Variants in LAMA2 observed in about 807,000 individuals in gnomAD.
LAMA2 encodes laminin subunit alpha-2.
In LAMA2, 269 loss-of-function variants were observed where a neutral mutation model predicts 364.8. The observed-to-expected ratio is 0.74, with a 90% CI of 0.67 to 0.82. The LOEUF is 0.82. LAMA2 is among the 40% of genes least tolerant of loss of function. LAMA2 has a pLI of 0.00. For missense variants in LAMA2, 3,807 were observed against 3,873.2 expected, an observed-to-expected ratio of 0.98 and a Z score of 0.45; for synonymous variants, 1,379 against 1,370.6, an observed-to-expected ratio of 1.01 and a Z score of -0.14.
chr6:129,120,037 C>T (rs903620189), intron 4 of LAMA2, among the ~76,000 whole-genome samples: 4 of 151,930 alleles, frequency 2.6e-5, no homozygotes, highest in Admixed American at 6.6e-5. Flanking sequence ...TATACTAATG[C>T]GAGATAGAGA....
At chr6:128,971,690 AGAAAGTGG>A (rs1290436444) in intron 1 of LAMA2, among the ~76,000 whole-genome samples, 1 of 152,192 alleles carries the variant, frequency 6.6e-6, no homozygotes, top group Non-Finnish European at 1.5e-5. Context: ...AAGGTAGGGG[AGAAAGTGG>A]ACAAAGATGT....
chr6:128,987,484 A>G (rs1783336765), intron 1 of LAMA2, among the ~76,000 whole-genome samples: 1 of 152,144 alleles, frequency 6.6e-6, no homozygotes, highest in African/African-American at 2.4e-5. Flanking sequence ...AAAAGGTAAA[A>G]GTAGATAAAT....
At chr6:129,155,095 G>T (rs190154750) in intron 8 of LAMA2, among the ~76,000 whole-genome samples, 1 of 152,244 alleles carries the variant, frequency 6.6e-6, no homozygotes, top group East Asian at 1.9e-4. Flanking sequence ...GAAAGAAATT[G>T]CTGAGTAGTA....
At chr6:128,902,441 C>T (rs563887112) in intron 1 of LAMA2, among the ~76,000 whole-genome samples, 2 of 152,230 alleles carry the variant, frequency 1.3e-5, no homozygotes, top group East Asian at 1.9e-4. Flanking sequence ...CTTTCTCACA[C>T]TCTCAGCATA....
chr6:129,230,232 T>C (rs1007871701), intron 12 of LAMA2, among the ~76,000 whole-genome samples: 5 of 152,134 alleles, frequency 3.3e-5, no homozygotes, highest in African/African-American at 4.8e-5. Flanking sequence ...GTCATTTGAA[T>C]GAATCAAGTG....
At chr6:129,315,390 C>T in intron 24 of LAMA2, 86 bp from the exon 25 acceptor site, 1 of 1,164,394 alleles carries the variant, frequency 8.6e-7, no homozygotes, top group South Asian at 1.3e-5. Context: ...ATAGGAACTG[C>T]AGATAGACAT....
rs1010429873 is a variant in LAMA2, at chr6:129,320,030, G to A, written c.4059-508G>A. On this transcript the variant is annotated intron_variant, in intron 27 of 64. Transcript: ENST00000421865. ...CACCTGTAATCCCAGCTACTCAGGA[G>A]GCTGAGGCAGGAGAATCACTTGAAC... Among the ~76,000 whole-genome samples, 3 of 152,194 alleles carry A rather than the reference G, an allele frequency of 2.0e-5. No individual in the cohort carries two copies. The South Asian group carries it at 6.2e-4, about 32-fold the overall frequency.
At chr6:129,508,718 T>C (rs1166882101) in intron 62 of LAMA2, among the ~76,000 whole-genome samples, 1 of 152,186 alleles carries the variant, frequency 6.6e-6, no homozygotes, top group Non-Finnish European at 1.5e-5. Context: ...TTTTATGGCT[T>C]ATTCATATCC....
intron 1 of LAMA2, among the ~76,000 whole-genome samples, chr6:128,977,621 T>G (rs897314428): frequency 5.9e-5 from 9 of 152,186 alleles, no homozygotes; most frequent in Admixed American, 5.2e-4. Context: ...TGTTGACTGA[T>G]TCATTACCTT....
intron 1 of LAMA2, among the ~76,000 whole-genome samples, chr6:128,987,135 T>TG (rs1562897155): frequency 1.1e-4 from 4 of 37,186 alleles, no homozygotes; most frequent in African/African-American, 3.2e-4. Context: ...TGTTTTTTTT[T>TG]TTTTGTTTTT....
At chr6:129,078,229 C>T (rs1437975824) in intron 3 of LAMA2, among the ~76,000 whole-genome samples, 1 of 151,796 alleles carries the variant, frequency 6.6e-6, no homozygotes, top group African/African-American at 2.4e-5. Context: ...CCGCCTCTAG[C>T]ATTCAAGCGA....
rs772495914 is a variant in LAMA2, at chr6:129,192,738, C to T, written c.1667C>T (p.Pro556Leu). ...CTTCCTGGCCGCATTCGAGTGGCTCCCCAGCAGGACGACTTGGACTCACCT... is the reference window on the plus strand; with the variant it reads ...CTTCCTGGCCGCATTCGAGTGGCTCTCCAGCAGGACGACTTGGACTCACCT... ...TDLPGRIRVA[P>L]QQDDLDSPQQ... The change falls in exon 12 of 65, where the codon CCC becomes CTC. Residue 556 changes from proline to leucine, a missense_variant. Around this residue, in one of 3 missense-constraint regions of LAMA2, gnomAD observed 3,333 missense variants for 3,345.7 expected, o/e 1.00. Coordinates refer to ENST00000421865, the MANE Select transcript of LAMA2 (RefSeq NM_000426.4). 1 of 1,614,158 alleles carries T rather than the reference C, an allele frequency of 6.2e-7. No homozygotes were observed. Among genetic ancestry groups the T allele is most frequent in the South Asian group, 1.1e-5 (1 of 91,084 alleles).
At chr6:129,151,372 A>G (rs907188151) in intron 7 of LAMA2, among the ~76,000 whole-genome samples, 2 of 152,190 alleles carry the variant, frequency 1.3e-5, no homozygotes. Flanking sequence ...TTTTTGAAAT[A>G]CACTATTACA....
chr6:129,119,926 C>T (rs1776708719), intron 4 of LAMA2, among the ~76,000 whole-genome samples: 1 of 152,148 alleles, frequency 6.6e-6, no homozygotes, highest in Non-Finnish European at 1.5e-5. Flanking sequence ...AATATAGTTT[C>T]CATTGTTTTA....
chr6:129,281,130 C>A (rs1788689051), intron 18 of LAMA2, among the ~76,000 whole-genome samples: 2 of 151,660 alleles, frequency 1.3e-5, no homozygotes, highest in Admixed American at 6.6e-5. Context: ...AGTATGGAAG[C>A]ATCTGTAAAT....
intron 12 of LAMA2, among the ~76,000 whole-genome samples, chr6:129,227,580 T>G (rs1249854306): frequency 2.6e-5 from 4 of 152,212 alleles, no homozygotes; most frequent in African/African-American, 9.6e-5. Context: ...TGTTGGAGTT[T>G]GCTGGAGGTC....
At position 129,481,396 on chromosome 6, in the gene LAMA2, G is replaced by T. The variant is rs755222188; in HGVS notation, c.7706G>T (p.Gly2569Val). The T allele has an allele frequency of 6.2e-7, 1 of 1,613,860 alleles. No homozygotes were observed. The highest frequency in any genetic ancestry group is 1.1e-5 in the South Asian group (1 of 91,082). The change falls in exon 55 of 65, where the codon GGG becomes GTG. Residue 2569 changes from glycine (G) to valine (V), a missense_variant. Around this residue, in one of 3 missense-constraint regions of LAMA2, gnomAD observed 3,333 missense variants for 3,345.7 expected, o/e 1.00. Coordinates refer to ENST00000421865, the MANE Select transcript of LAMA2 (RefSeq NM_000426.4). Reference protein sequence around the residue: ...ESGIILLGSGGTPAPPRRKRR... With the variant: ...ESGIILLGSGVTPAPPRRKRR... ...GGCATCATTCTTTTGGGAAGTGGAG[G>T]GACACCAGCACCACCTAGGAGAAAA... is the stretch of plus-strand genomic sequence containing the variant.
In LAMA2 at chr6:129,428,019, G is replaced by C. The variant is rs968109399; in HGVS notation, c.5968+165G>C. On this transcript the variant is annotated intron_variant, in intron 41 of 64. Coordinates refer to ENST00000421865, the MANE Select transcript of LAMA2 (RefSeq NM_000426.4). ...TTTCTCACTAGTTTTACAAAATGTT[G>C]TCTACCTATCTCACTTCAAGTAGGG... is the stretch of plus-strand genomic sequence containing the variant. 5.3e-5 allele frequency among the ~76,000 whole-genome samples: 8 copies of C among 152,142 alleles called. No individual in the cohort carries two copies. In the East Asian group the frequency reaches 1.5e-3, roughly 29 times the overall value.
chr6:129,513,817 C>T (rs1040666157), intron 63 of LAMA2, among the ~76,000 whole-genome samples: 3 of 152,092 alleles, frequency 2.0e-5, no homozygotes, highest in Admixed American at 1.3e-4. Context: ...GTCTTTGGCA[C>T]CTGTGACATG....
Sources: gnomAD v4.1 joint callset for allele counts (sites outside exome capture counted in the v4.1 genomes callset) on GRCh38, gnomAD v4.1.1 for gene constraint, gnomAD v4.1.1 regional missense constraint, MANE v1.5 for transcripts, NCBI Gene and HGNC (gene_info 2026-07-23, HGNC 2026-07-21) for gene names.